EPB41: variants seen among roughly 807,000 people sequenced by gnomAD.
EPB41 encodes the protein protein 4.1.
A neutral mutation model predicts 108.0 loss-of-function variants in EPB41; 65 were observed. The ratio of observed to expected loss-of-function variants is 0.60; its 90% CI spans 0.49 to 0.74. The LOEUF (loss-of-function observed/expected upper bound fraction) is 0.74. Among genes scored for constraint, EPB41 ranks in the 30% least tolerant of loss-of-function variants. The pLI is 0.00. For missense variants in EPB41, 875 were observed against 1,037.0 expected, an observed-to-expected ratio of 0.84 and a Z score of 2.15; for synonymous variants, 336 against 358.9, an observed-to-expected ratio of 0.94 and a Z score of 0.72.
chr1:29,015,591 G>GAAAGAA (rs2096568102), intron 5 of EPB41, 101 bp from the exon 6 acceptor site: 3 of 765,738 alleles, frequency 3.9e-6, no homozygotes, highest in East Asian at 5.7e-5. Flanking sequence ...AAAAAAAAAA[G>GAAAGAA]AAAGAAAAAG....
chr1:28,969,976 A>T (rs999082804), intron 1 of EPB41, among the ~76,000 whole-genome samples: 2 of 152,260 alleles, frequency 1.3e-5, no homozygotes, highest in Non-Finnish European at 2.9e-5. Flanking sequence ...ATATGTTCAC[A>T]TCACCAAAAA....
intron 1 of EPB41, among the ~76,000 whole-genome samples, chr1:28,937,555 C>T (rs370282593): frequency 4.1e-4 from 62 of 152,172 alleles, no homozygotes; most frequent in African/African-American, 1.4e-3. Flanking sequence ...CCACCATGCT[C>T]GGCTAATTTT....
At chr1:28,994,679 GAC>G (rs2096121348) in intron 3 of EPB41, among the ~76,000 whole-genome samples, 1 of 91,816 alleles carries the variant, frequency 1.1e-5, no homozygotes, top group South Asian at 3.4e-4. Flanking sequence ...ATTTATTTGA[GAC>G]AGGGTCTTGC....
In EPB41 at chr1:29,025,770, A is replaced by G. The variant is rs2096710645; in HGVS notation, c.1125-4630A>G. 3.3e-5 allele frequency among the ~76,000 whole-genome samples: 5 copies of G among 151,746 alleles called. No individual in the cohort carries two copies. In the South Asian group the frequency reaches 1.0e-3, roughly 31 times the overall value. On this transcript the variant is annotated intron_variant, in intron 7 of 20. Coordinates refer to ENST00000343067, the MANE Select transcript of EPB41 (RefSeq NM_001376013.1). ...CTGGCAACATTAGGTGGGGCAGAGCAAGGTAGTCATCCATGCAGAGGGGCA... is the reference window on the plus strand; with the variant it reads ...CTGGCAACATTAGGTGGGGCAGAGCGAGGTAGTCATCCATGCAGAGGGGCA...
intron 1 of EPB41, among the ~76,000 whole-genome samples, chr1:28,954,369 G>A: frequency 6.6e-6 from 1 of 152,120 alleles, no homozygotes; most frequent in East Asian, 1.9e-4. Flanking sequence ...AAAGATAACT[G>A]CTATTTTAAG....
intron 1 of EPB41, among the ~76,000 whole-genome samples, chr1:28,962,783 C>T (rs990213297): frequency 2.0e-5 from 3 of 152,148 alleles, no homozygotes; most frequent in African/African-American, 7.2e-5. Context: ...TTTAGGTCCC[C>T]ATAACTTTTT....
At chr1:29,062,625 C>T (rs1373251202) in intron 15 of EPB41, among the ~76,000 whole-genome samples, 2 of 151,652 alleles carry the variant, frequency 1.3e-5, no homozygotes, top group Non-Finnish European at 2.9e-5. Context: ...TAAGGAAGTT[C>T]TCTCAAGTTA....
At chr1:28,982,613 C>T (rs185197837) in intron 1 of EPB41, 52 of 1,369,730 alleles carry the variant, frequency 3.8e-5, no homozygotes, top group East Asian at 1.2e-4. Context: ...TTGCCCATTT[C>T]GGCAGCAACC....
intron 4 of EPB41, among the ~76,000 whole-genome samples, chr1:28,998,918 T>C (rs2096241843): frequency 1.3e-5 from 2 of 152,348 alleles, no homozygotes; most frequent in South Asian, 4.1e-4. Context: ...CCCATAAATA[T>C]ATACAACTAT....
intron 16 of EPB41, chr1:29,068,871 C>T: frequency 1.9e-6 from 2 of 1,058,226 alleles, no homozygotes; most frequent in Non-Finnish European, 1.2e-6. Flanking sequence ...AACTGAACAA[C>T]AGCTGCTGAA....
At chr1:29,068,815 A>G in intron 16 of EPB41, 1 of 1,230,814 alleles carries the variant, frequency 8.1e-7, no homozygotes, top group Non-Finnish European at 1.0e-6. Flanking sequence ...GTGCTTCTCA[A>G]TCAGAATTTG....
intron 1 of EPB41, among the ~76,000 whole-genome samples, chr1:28,937,371 C>G (rs553218933): frequency 3.9e-4 from 60 of 152,108 alleles, no homozygotes; most frequent in Admixed American, 2.6e-4. Flanking sequence ...TTTTCTGACG[C>G]ATTTTAAAGC....
intron 1 of EPB41, among the ~76,000 whole-genome samples, chr1:28,954,394 C>T (rs2094863011): frequency 6.6e-6 from 1 of 152,046 alleles, no homozygotes; most frequent in Admixed American, 6.6e-5. Context: ...TTAATTTTTC[C>T]CAAAGGAAAA....
chr1:29,027,216 ACTTACAG>A (rs2096730816), intron 7 of EPB41, among the ~76,000 whole-genome samples: 1 of 152,062 alleles, frequency 6.6e-6, no homozygotes, highest in African/African-American at 2.4e-5. Flanking sequence ...ATTGTAACTC[ACTTACAG>A]CCTTAAACTC....
At chr1:28,945,804 C>G (rs1003940163) in intron 1 of EPB41, among the ~76,000 whole-genome samples, 1 of 152,086 alleles carries the variant, frequency 6.6e-6, no homozygotes, top group Non-Finnish European at 1.5e-5. Flanking sequence ...AATAAATTTC[C>G]TTTCAGTGAT....
intron 1 of EPB41, among the ~76,000 whole-genome samples, chr1:28,892,409 GAATA>G (rs1446860824): frequency 2.0e-5 from 3 of 152,110 alleles, no homozygotes; most frequent in African/African-American, 7.2e-5. Flanking sequence ...GTTTGCAGAT[GAATA>G]AATGAGGCAT....
At chr1:28,889,775 TG>T in intron 1 of EPB41, 1 of 984,922 alleles carries the variant, frequency 1.0e-6, no homozygotes, top group Non-Finnish European at 1.2e-6. Context: ...AGCCCAGGTG[TG>T]GAACCAAACC....
chr1:28,922,558 G>A (rs2148310514), intron 1 of EPB41, among the ~76,000 whole-genome samples: 1 of 151,618 alleles, frequency 6.6e-6, no homozygotes, highest in South Asian at 2.1e-4. Flanking sequence ...TGAGCCTCCT[G>A]AGTAGCTGGG....
intron 7 of EPB41, among the ~76,000 whole-genome samples, chr1:29,021,772 C>T (rs1321422327): frequency 6.6e-6 from 1 of 152,026 alleles, no homozygotes; most frequent in Non-Finnish European, 1.5e-5. Flanking sequence ...TTAGTAGAGA[C>T]AAGGTTTCAC....
Sources: allele counts gnomAD v4.1 joint callset (sites outside exome capture counted in the v4.1 genomes callset), GRCh38; gene constraint gnomAD v4.1.1; transcripts MANE v1.5; gene names NCBI Gene and HGNC (gene_info 2026-07-23, HGNC 2026-07-21).